Variants in EPHA3 observed in about 807,000 individuals in gnomAD.
EPHA3 encodes ephrin type-A receptor 3.
A neutral mutation model predicts 107.1 loss-of-function variants in EPHA3; 42 were observed. That is an observed-to-expected ratio of 0.39 (90% confidence interval 0.31 to 0.51). The LOEUF (loss-of-function observed/expected upper bound fraction) is 0.51. EPHA3 is among the 20% of genes least tolerant of loss of function. EPHA3 has a pLI of 0.78. For synonymous variants in EPHA3, 461 were observed against 424.8 expected, an observed-to-expected ratio of 1.09 and a Z score of -1.05; for missense variants, 1,183 against 1,211.2, an observed-to-expected ratio of 0.98 and a Z score of 0.35.
chr3:89,371,033 T>A (rs1708290403), intron 5 of EPHA3, among the ~76,000 whole-genome samples: 1 of 151,722 alleles, frequency 6.6e-6, no homozygotes, highest in African/African-American at 2.4e-5. Flanking sequence ...TATGGAAATT[T>A]TATTATATCT....
At chr3:89,254,684 T>G (rs957424278) in intron 3 of EPHA3, among the ~76,000 whole-genome samples, 1 of 152,222 alleles carries the variant, frequency 6.6e-6, no homozygotes, top group Non-Finnish European at 1.5e-5. Flanking sequence ...TTCCTATCTA[T>G]ATGAATAAAG....
chr3:89,395,211 A>T (rs918700010), intron 5 of EPHA3, among the ~76,000 whole-genome samples: 1 of 152,226 alleles, frequency 6.6e-6, no homozygotes, highest in Non-Finnish European at 1.5e-5. Flanking sequence ...CCTCTCATTA[A>T]GTATTTTTTT....
intron 3 of EPHA3, among the ~76,000 whole-genome samples, chr3:89,249,707 T>C (rs1024957381): frequency 1.3e-5 from 2 of 152,204 alleles, no homozygotes; most frequent in African/African-American, 2.4e-5. Flanking sequence ...GCAATCTGCC[T>C]GCCTCAGCCT....
intron 2 of EPHA3, among the ~76,000 whole-genome samples, chr3:89,204,933 A>G (rs1186294021): frequency 6.6e-6 from 1 of 152,216 alleles, no homozygotes; most frequent in East Asian, 1.9e-4. Context: ...TGGGTGCAAG[A>G]TTAATCATCA....
chr3:89,173,579 G>A (rs1272142424), intron 2 of EPHA3, among the ~76,000 whole-genome samples: 1 of 151,960 alleles, frequency 6.6e-6, no homozygotes, highest in African/African-American at 2.4e-5. Flanking sequence ...GTTTTTATTA[G>A]CTATGTAAAA....
intron 3 of EPHA3, among the ~76,000 whole-genome samples, chr3:89,311,762 T>A (rs574771970): frequency 6.6e-6 from 1 of 152,168 alleles, no homozygotes; most frequent in African/African-American, 2.4e-5. Flanking sequence ...TCATTAAAAC[T>A]TCCAAGGGAC....
chr3:89,282,305 C>T (rs1705966966), intron 3 of EPHA3, among the ~76,000 whole-genome samples: 1 of 152,110 alleles, frequency 6.6e-6, no homozygotes, highest in South Asian at 2.1e-4. Context: ...CAAATATGTA[C>T]TGAGCACATA....
At chr3:89,259,015 A>G (rs1705352829) in intron 3 of EPHA3, among the ~76,000 whole-genome samples, 1 of 152,140 alleles carries the variant, frequency 6.6e-6, no homozygotes, top group South Asian at 2.1e-4. Context: ...AATTGTACCA[A>G]TTCCATTTTT....
chr3:89,378,523 A>C (rs1354080260), intron 5 of EPHA3, among the ~76,000 whole-genome samples: 1 of 151,484 alleles, frequency 6.6e-6, no homozygotes, highest in Non-Finnish European at 1.5e-5. Context: ...AAAAGGCTTA[A>C]GTTTACTTCA....
At chr3:89,260,905 C>T (rs1705399529) in intron 3 of EPHA3, among the ~76,000 whole-genome samples, 1 of 152,170 alleles carries the variant, frequency 6.6e-6, no homozygotes, top group Non-Finnish European at 1.5e-5. Flanking sequence ...ACAGCATTTC[C>T]ACTGAAATCT....
intron 3 of EPHA3, among the ~76,000 whole-genome samples, chr3:89,246,795 T>G (rs145918722): frequency 6.6e-6 from 1 of 152,314 alleles, no homozygotes; most frequent in Non-Finnish European, 1.5e-5. Flanking sequence ...ACATTTACAT[T>G]ATTTAAATCT....
At chr3:89,143,938 T>A (rs538625571) in intron 2 of EPHA3, among the ~76,000 whole-genome samples, 26 of 151,734 alleles carry the variant, frequency 1.7e-4, no homozygotes, top group African/African-American at 5.5e-4. Flanking sequence ...TAGAGCAGTT[T>A]TAAGTTTACA....
At chr3:89,110,034 C>A (rs1013977222) in intron 1 of EPHA3, among the ~76,000 whole-genome samples, 1 of 151,844 alleles carries the variant, frequency 6.6e-6, no homozygotes, top group Non-Finnish European at 1.5e-5. Flanking sequence ...GCCAAGATTT[C>A]CGTGCAATTT....
intron 1 of EPHA3, among the ~76,000 whole-genome samples, chr3:89,125,112 T>C (rs997661202): frequency 6.6e-6 from 1 of 151,896 alleles, no homozygotes; most frequent in African/African-American, 2.4e-5. Context: ...TTACTAATAC[T>C]GAGATTAAAC....
intron 3 of EPHA3, among the ~76,000 whole-genome samples, chr3:89,243,197 T>A (rs184376542): frequency 2.6e-5 from 4 of 152,264 alleles, no homozygotes; most frequent in Admixed American, 1.3e-4. Flanking sequence ...CTATTGTGAA[T>A]AGTGCCGCGA....
At chr3:89,110,667 A>G (rs1408985542) in intron 1 of EPHA3, among the ~76,000 whole-genome samples, 2 of 151,996 alleles carry the variant, frequency 1.3e-5, no homozygotes, top group African/African-American at 4.8e-5. Flanking sequence ...AAGACTTTTA[A>G]TGGGAGATCA....
At chr3:89,113,485 CAAAAAAAAAAAAA>C (rs753848304) in intron 1 of EPHA3, among the ~76,000 whole-genome samples, 17 of 31,102 alleles carry the variant, frequency 5.5e-4, no homozygotes, top group South Asian at 5.6e-3. Context: ...TTCCTTTGTA[CAAAAAAAAAAAAA>C]AAAAAAAAAA....
intron 2 of EPHA3, among the ~76,000 whole-genome samples, chr3:89,159,483 T>A (rs1411478037): frequency 6.6e-6 from 1 of 152,106 alleles, no homozygotes; most frequent in Non-Finnish European, 1.5e-5. Flanking sequence ...ATGGTCTCAT[T>A]GACACCACGA....
chr3:89,471,344 A>G (rs538268460), intron 15 of EPHA3, among the ~76,000 whole-genome samples: 31 of 152,230 alleles, frequency 2.0e-4, no homozygotes, highest in African/African-American at 7.0e-4. Flanking sequence ...TTATATAAAA[A>G]AATCCTAGAA....
Sources: allele counts gnomAD v4.1 joint callset (sites outside exome capture counted in the v4.1 genomes callset), GRCh38; gene constraint gnomAD v4.1.1; transcripts MANE v1.5; gene names NCBI Gene and HGNC (gene_info 2026-07-23, HGNC 2026-07-21).